Variants in CNTLN observed in about 807,000 individuals in gnomAD.
The protein encoded by CNTLN is centlein, centrosomal protein.
CNTLN carries 212 observed loss-of-function variants against 180.0 expected under a neutral mutation model. That is an observed-to-expected ratio of 1.18 (90% CI 1.05 to 1.32). CNTLN has a LOEUF of 1.32. CNTLN is among the 40% of genes most tolerant of loss of function. CNTLN has a pLI of 0.00. For synonymous variants in CNTLN, 722 were observed against 563.1 expected, an observed-to-expected ratio of 1.28 and a Z score of -3.99; for missense variants, 2,095 against 1,610.9, an observed-to-expected ratio of 1.30 and a Z score of -5.14.
chr9:17,527,707 A>C, the CNTLN span, among the ~76,000 whole-genome samples: 1 of 152,204 alleles, frequency 6.6e-6, no homozygotes, highest in African/African-American at 2.4e-5. Context: ...CCTAGCACTC[A>C]GATTTTGGTT....
chr9:17,457,442 G>A (rs1440827254), intron 18 of CNTLN, 82 bp from the exon 19 acceptor site: 14 of 761,706 alleles, frequency 1.8e-5, no homozygotes, highest in Non-Finnish European at 2.6e-5. Context: ...CCTAGCTGTA[G>A]AATTTTATGC....
chr9:17,361,410 C>G (rs1051382132), intron 12 of CNTLN, among the ~76,000 whole-genome samples: 1 of 152,198 alleles, frequency 6.6e-6, no homozygotes, highest in African/African-American at 2.4e-5. Flanking sequence ...ATTCTCTCTT[C>G]TCTGACTGGT....
At chr9:17,496,070 T>C (rs1432746043) in intron 25 of CNTLN, among the ~76,000 whole-genome samples, 1 of 152,166 alleles carries the variant, frequency 6.6e-6, no homozygotes, top group Non-Finnish European at 1.5e-5. Context: ...GATGCATAAC[T>C]GTATTTGTAG....
intron 12 of CNTLN, among the ~76,000 whole-genome samples, chr9:17,351,120 A>G (rs1822325752): frequency 6.6e-6 from 1 of 151,956 alleles, no homozygotes; most frequent in African/African-American, 2.4e-5. Context: ...TTTCTTCAAC[A>G]CTCTGGCACC....
intron 18 of CNTLN, among the ~76,000 whole-genome samples, chr9:17,442,388 A>G (rs1031169591): frequency 6.6e-6 from 1 of 152,162 alleles, no homozygotes; most frequent in Non-Finnish European, 1.5e-5. Context: ...ACAAATGTGT[A>G]GAAATTAAAC....
At chr9:17,428,294 A>T (rs1285906308) in intron 18 of CNTLN, among the ~76,000 whole-genome samples, 3 of 151,220 alleles carry the variant, frequency 2.0e-5, no homozygotes, top group South Asian at 4.2e-4. Context: ...CAGACAGATT[A>T]TGATAATAAT....
At chr9:17,365,062 G>T (rs796302176) in intron 12 of CNTLN, among the ~76,000 whole-genome samples, 1 of 152,306 alleles carries the variant, frequency 6.6e-6, no homozygotes, top group African/African-American at 2.4e-5. Context: ...GTAGGGCCAT[G>T]GGTCTAAATG....
intron 12 of CNTLN, among the ~76,000 whole-genome samples, chr9:17,343,036 G>A (rs1821610342): frequency 1.3e-5 from 2 of 152,174 alleles, no homozygotes; most frequent in African/African-American, 4.8e-5. Flanking sequence ...CTTCTTTCTT[G>A]CTGTGCCCTG....
intron 10 of CNTLN, among the ~76,000 whole-genome samples, chr9:17,334,159 G>A (rs1008541381): frequency 3.3e-5 from 5 of 151,902 alleles, no homozygotes; most frequent in African/African-American, 7.3e-5. Context: ...TCCCAGGTTC[G>A]AGCTATTCTT....
At chr9:17,398,559 G>A (rs2133760366) in intron 15 of CNTLN, among the ~76,000 whole-genome samples, 1 of 152,280 alleles carries the variant, frequency 6.6e-6, no homozygotes, top group African/African-American at 2.4e-5. Context: ...TGTGACATCA[G>A]CAAGCTCGTT....
At chr9:17,175,530 C>T (rs1405397757) in intron 2 of CNTLN, among the ~76,000 whole-genome samples, 1 of 152,038 alleles carries the variant, frequency 6.6e-6, no homozygotes, top group African/African-American at 2.4e-5. Flanking sequence ...AATACCATAC[C>T]ATCTTGATTA....
rs955224150 is a variant in CNTLN, at chr9:17,417,863, A to G, written c.3114+1674A>G. Reference sequence around the variant, plus strand: ...CTTGGTAGTATCAAGTAAGAAATCCACATTTTAGCACAGATTTCAACTACT... The same window carrying G: ...CTTGGTAGTATCAAGTAAGAAATCCGCATTTTAGCACAGATTTCAACTACT... On this transcript the variant is annotated intron_variant, in intron 18 of 25. Coordinates refer to ENST00000380647, the MANE Select transcript of CNTLN (RefSeq NM_017738.4). Among the ~76,000 whole-genome samples, 5 of 152,136 alleles carry G rather than the reference A, an allele frequency of 3.3e-5. No homozygotes were observed. The East Asian group carries it at 9.7e-4, about 29-fold the overall frequency.
chr9:17,518,753 G>A, the CNTLN span, among the ~76,000 whole-genome samples: 1 of 152,146 alleles, frequency 6.6e-6, no homozygotes, highest in East Asian at 1.9e-4. Flanking sequence ...TTGAGACATT[G>A]TGTAATTCCC....
At chr9:17,178,410 C>T (rs552594943) in intron 2 of CNTLN, among the ~76,000 whole-genome samples, 2 of 152,354 alleles carry the variant, frequency 1.3e-5, no homozygotes, top group African/African-American at 2.4e-5. Flanking sequence ...GCCCTGTGCC[C>T]GCACTCCTCA....
At chr9:17,491,243 G>A (rs954471462) in intron 25 of CNTLN, among the ~76,000 whole-genome samples, 3 of 152,128 alleles carry the variant, frequency 2.0e-5, no homozygotes, top group South Asian at 4.1e-4. Flanking sequence ...ATATATATAT[G>A]AGTACCTTCT....
chr9:17,444,184 C>T (rs1262344923), intron 18 of CNTLN: 1 of 152,154 alleles, frequency 6.6e-6, no homozygotes, highest in Non-Finnish European at 1.5e-5. Context: ...TTTCTCACAT[C>T]TCTTCATTCC....
At chr9:17,389,839 C>G (rs1825959925) in intron 14 of CNTLN, among the ~76,000 whole-genome samples, 1 of 152,092 alleles carries the variant, frequency 6.6e-6, no homozygotes, top group Admixed American at 6.5e-5. Context: ...GAGTCCTAAG[C>G]TGTATTATCT....
Position 17,287,527 on chromosome 9 carries a change from G to A in CNTLN, c.984-10663G>A, listed in dbSNP as rs954594903. On this transcript the variant is annotated intron_variant, in intron 6 of 25. Coordinates refer to ENST00000380647, the MANE Select transcript of CNTLN (RefSeq NM_017738.4). ...CAGAATGATGCTGGCCTCATAAAAT[G>A]AGTTTGGGAGGATTCCCTCTTTTTC... Among the ~76,000 whole-genome samples, 665 of 151,296 alleles carry A rather than the reference G, an allele frequency of 4.4e-3. 3 individuals are homozygous for A. Among genetic ancestry groups the A allele is most frequent in the Non-Finnish European group, 7.9e-3 (535 of 67,702 alleles).
chr9:17,353,551 T>C (rs1426145754), intron 12 of CNTLN, among the ~76,000 whole-genome samples: 5 of 151,966 alleles, frequency 3.3e-5, no homozygotes, highest in Admixed American at 2.6e-4. Context: ...TTACCTATTT[T>C]GAAAACTGGG....
Sources: gnomAD v4.1 joint callset for allele counts (sites outside exome capture counted in the v4.1 genomes callset) on GRCh38, gnomAD v4.1.1 for gene constraint, MANE v1.5 for transcripts, NCBI Gene and HGNC (gene_info 2026-07-23, HGNC 2026-07-21) for gene names.